Variants in SGCE observed in about 807,000 individuals in gnomAD.
The protein encoded by SGCE is epsilon-sarcoglycan.
SGCE carries 26 observed loss-of-function variants against 57.8 expected under a neutral mutation model. That is an observed-to-expected ratio of 0.45 (90% CI 0.33 to 0.62). The LOEUF (loss-of-function observed/expected upper bound fraction) is 0.62. Ranked by LOEUF, SGCE falls within the 20% of genes least tolerant of loss-of-function variation. The pLI is 0.02. For synonymous variants in SGCE, 183 were observed against 189.5 expected, an observed-to-expected ratio of 0.97 and a Z score of 0.28; for missense variants, 468 against 548.6, an observed-to-expected ratio of 0.85 and a Z score of 1.47.
intron 5 of SGCE, among the ~76,000 whole-genome samples, chr7:94,605,048 G>T (rs1157315656): frequency 6.6e-6 from 1 of 151,312 alleles, no homozygotes; most frequent in Non-Finnish European, 1.5e-5. Context: ...TATTACTAAA[G>T]ATCTACTTAT....
intron 1 of SGCE, among the ~76,000 whole-genome samples, chr7:94,640,582 A>G (rs563955939): frequency 6.6e-6 from 1 of 152,190 alleles, no homozygotes; most frequent in South Asian, 2.1e-4. Flanking sequence ...TTCCTTGTGG[A>G]TTCAGCTCAG....
chr7:94,604,837 ATATATATATATATATATATAT>A (rs1799831539), intron 5 of SGCE, among the ~76,000 whole-genome samples: 1 of 69,674 alleles, frequency 1.4e-5, no homozygotes, highest in Non-Finnish European at 3.1e-5. Flanking sequence ...ATATATATAT[ATATATATATATATATATATAT>A]AATAGTTGTT....
chr7:94,648,249 C>G (rs892350791), intron 1 of SGCE, among the ~76,000 whole-genome samples: 27 of 151,734 alleles, frequency 1.8e-4, no homozygotes, highest in Non-Finnish European at 3.4e-4. Context: ...GTGGCGGGTG[C>G]CTGTAATCCC....
chr7:94,647,031 G>A (rs994708133), intron 1 of SGCE, among the ~76,000 whole-genome samples: 1 of 152,082 alleles, frequency 6.6e-6, no homozygotes, highest in Non-Finnish European at 1.5e-5. Flanking sequence ...AACACATACC[G>A]TGCTCTTTTT....
intron 9 of SGCE, chr7:94,589,379 CCAT>C (rs1328128275): frequency 6.4e-6 from 1 of 155,360 alleles, no homozygotes; most frequent in Non-Finnish European, 1.4e-5. Flanking sequence ...TTGGTTGAAG[CCAT>C]CATCATTTCT....
chr7:94,652,552 T>A (rs928285685), intron 1 of SGCE, among the ~76,000 whole-genome samples: 11 of 152,244 alleles, frequency 7.2e-5, no homozygotes, highest in African/African-American at 2.4e-4. Flanking sequence ...ATACATGTTA[T>A]CTTTATTTCC....
chr7:94,639,430 G>A (rs761677071), intron 1 of SGCE: 134 of 1,530,882 alleles, frequency 8.8e-5, no homozygotes, highest in Non-Finnish European at 1.1e-4. Context: ...TATGCCATCA[G>A]CACAGCTTAA....
chr7:94,595,534 A>G (rs1173268165), intron 9 of SGCE, among the ~76,000 whole-genome samples: 1 of 152,128 alleles, frequency 6.6e-6, no homozygotes, highest in Non-Finnish European at 1.5e-5. Context: ...ATTAATAAGT[A>G]CAAGACAGCA....
At chr7:94,598,496 G>A in intron 9 of SGCE, 2 of 369,738 alleles carry the variant, frequency 5.4e-6, no homozygotes, top group South Asian at 3.4e-5. Flanking sequence ...TCATCTTTGA[G>A]CAAACATGTA....
chr7:94,616,698 A>G (rs1361551831), intron 5 of SGCE, among the ~76,000 whole-genome samples: 1 of 152,206 alleles, frequency 6.6e-6, no homozygotes, highest in African/African-American at 2.4e-5. Flanking sequence ...TTCTATTACC[A>G]TGATTTTATA....
intron 1 of SGCE, chr7:94,644,676 G>C (rs1346238370): frequency 1.3e-5 from 16 of 1,277,128 alleles, no homozygotes; most frequent in Non-Finnish European, 1.6e-5. Context: ...CACTGTAAGG[G>C]GGATGAAAGA....
intron 8 of SGCE, 50 bp downstream of exon 8, chr7:94,599,647 G>C (rs1471897878): frequency 2.0e-6 from 3 of 1,488,792 alleles, no homozygotes; most frequent in African/African-American, 1.4e-5. Flanking sequence ...ATGGGCAACT[G>C]AGAGGTGGGA....
At chr7:94,632,394 T>C (rs2116993498) in intron 1 of SGCE, among the ~76,000 whole-genome samples, 1 of 152,124 alleles carries the variant, frequency 6.6e-6, no homozygotes, top group Admixed American at 6.6e-5. Context: ...CAAGACACAA[T>C]CTACCATGGC....
At chr7:94,631,970 G>C (rs1355511572) in intron 1 of SGCE, among the ~76,000 whole-genome samples, 4 of 151,994 alleles carry the variant, frequency 2.6e-5, no homozygotes, top group African/African-American at 9.7e-5. Context: ...GCAGCTAGAA[G>C]AGAGTCTGGT....
intron 5 of SGCE, among the ~76,000 whole-genome samples, chr7:94,615,973 A>G (rs953181122): frequency 6.6e-6 from 1 of 152,208 alleles, no homozygotes; most frequent in African/African-American, 2.4e-5. Flanking sequence ...TCAGTCTGGC[A>G]AGTGAAAATG....
intron 1 of SGCE, among the ~76,000 whole-genome samples, chr7:94,635,650 AT>A (rs893833023): frequency 1.3e-5 from 2 of 152,146 alleles, no homozygotes; most frequent in African/African-American, 2.4e-5. Flanking sequence ...TTTCTAATTT[AT>A]TTTTTTAACA....
intron 9 of SGCE, among the ~76,000 whole-genome samples, chr7:94,596,359 T>C (rs1310358137): frequency 6.6e-6 from 1 of 152,160 alleles, no homozygotes; most frequent in Non-Finnish European, 1.5e-5. Context: ...CAGCAACCTT[T>C]TTCCGCTCTT....
At chr7:94,603,201 A>T (rs1480728767) in intron 6 of SGCE, 89 bp downstream of exon 6, 1 of 1,004,494 alleles carries the variant, frequency 1.0e-6, no homozygotes, top group Non-Finnish European at 1.5e-6. Flanking sequence ...CCTAGGATTT[A>T]TTCCTAAAAG....
At chr7:94,619,196 G>A in intron 4 of SGCE, 1 of 417,922 alleles carries the variant, frequency 2.4e-6, no homozygotes. Flanking sequence ...GGCTCATCAG[G>A]GCAATTTATA....
Sources: gnomAD v4.1 joint callset for allele counts (sites outside exome capture counted in the v4.1 genomes callset) on GRCh38, gnomAD v4.1.1 for gene constraint, MANE v1.5 for transcripts, NCBI Gene and HGNC (gene_info 2026-07-23, HGNC 2026-07-21) for gene names.